Variants in TNFRSF10C observed in about 807,000 individuals in gnomAD.
TNFRSF10C encodes the protein tumor necrosis factor receptor superfamily member 10C.
TNFRSF10C carries 17 observed loss-of-function variants against 16.7 expected under a neutral mutation model. The ratio of observed to expected loss-of-function variants is 1.02; its 90% confidence interval spans 0.70 to 1.53. The LOEUF (loss-of-function observed/expected upper bound fraction) is 1.53. TNFRSF10C is among the 40% of genes most tolerant of loss of function. TNFRSF10C has a pLI of 0.00. For synonymous variants in TNFRSF10C, 73 were observed against 119.7 expected (o/e 0.61, Z 2.55); for missense variants, 237 against 329.7 (o/e 0.72, Z 2.18).
At chr8:23,103,847 T>C (rs1813718026) in intron 1 of TNFRSF10C, among the ~76,000 whole-genome samples, 1 of 152,220 alleles carries the variant, frequency 6.6e-6, no homozygotes, top group Non-Finnish European at 1.5e-5. Flanking sequence ...TGCAAGGACA[T>C]ATTATGTATA....
intron 2 of TNFRSF10C, among the ~76,000 whole-genome samples, chr8:23,112,360 C>A (rs1053876175): frequency 3.9e-5 from 6 of 152,200 alleles, no homozygotes; most frequent in Non-Finnish European, 7.3e-5. Flanking sequence ...GAAGGCAGGA[C>A]TGTACAACAC....
chr8:23,114,247 A>G (rs1813932472), intron 2 of TNFRSF10C, among the ~76,000 whole-genome samples: 1 of 152,224 alleles, frequency 6.6e-6, no homozygotes, highest in African/African-American at 2.4e-5. Context: ...GTGGACCAGC[A>G]TGGGCAGATC....
rs186423769 is a variant in TNFRSF10C at position 23,116,462 on chromosome 8, G to A, written c.390-179G>A. Among the ~76,000 whole-genome samples, 586 of 152,304 alleles carry A rather than the reference G, an allele frequency of 3.8e-3. 1 individual carries two copies. The highest frequency in any genetic ancestry group is 5.6e-3 in the Non-Finnish European group (383 of 68,012). On this transcript the variant is annotated intron_variant, in intron 4 of 4. Transcript: ENST00000356864. ...CAGGGAGGCTGAGGGGCTGAAATGC[G>A]CATGCTCAGACCCTTCCCCAGCCTC...
rs1813821321 is a variant in TNFRSF10C, at chr8:23,108,621, A to G, written c.61-3099A>G. Among the ~76,000 whole-genome samples, 4 of 152,232 alleles carry G rather than the reference A, an allele frequency of 2.6e-5. No individual in the cohort carries two copies. In the South Asian group the frequency reaches 8.3e-4, roughly 31 times the overall value. On this transcript the variant is annotated intron_variant, in intron 1 of 4. Transcript: ENST00000356864. ...TCTTCAAGGAGTATAATAACAACAA[A>G]TTGTATATGCCTAGTAATACATCTT...
At chr8:23,106,985 T>C (rs1002927883) in intron 1 of TNFRSF10C, among the ~76,000 whole-genome samples, 1 of 152,100 alleles carries the variant, frequency 6.6e-6, no homozygotes, top group Non-Finnish European at 1.5e-5. Flanking sequence ...ATCTCCTGCT[T>C]TTAGGAAACA....
chr8:23,111,872 A>C, intron 2 of TNFRSF10C, 47 bp downstream of exon 2: 1 of 1,538,152 alleles, frequency 6.5e-7, no homozygotes, highest in South Asian at 1.1e-5. Flanking sequence ...TTGACAGATA[A>C]ACATTGTATG....
Position 23,103,127 on chromosome 8 carries a change from C to A in TNFRSF10C, c.6C>A (p.Ala2=). 6.2e-7 allele frequency: 1 copy of A among 1,611,910 alleles called. No homozygotes were observed. The highest frequency in any genetic ancestry group is 8.5e-7 in the Non-Finnish European group (1 of 1,179,262). M[A]RIPKTLKFVV... ...ACGGCGTCGGGAACCATACCATGGC[C>A]CGGATCCCCAAGACCCTAAAGTTCG... Residue 2 remains alanine (A), a synonymous_variant, in exon 1 of 5, where the codon GCC becomes GCA. Coordinates refer to ENST00000356864, the MANE Select transcript of TNFRSF10C (RefSeq NM_003841.5).
At chr8:23,109,331 A>T (rs2128830520) in intron 1 of TNFRSF10C, among the ~76,000 whole-genome samples, 1 of 152,282 alleles carries the variant, frequency 6.6e-6, no homozygotes, top group East Asian at 1.9e-4. Context: ...AAGCTGTCAA[A>T]AAAAGAAAAA....
In TNFRSF10C at chr8:23,103,191, G is replaced by T. The variant is rs6557616; in HGVS notation, c.60+10G>T. On this transcript the variant is annotated intron_variant, in intron 1 of 4. Coordinates refer to ENST00000356864, the MANE Select transcript of TNFRSF10C (RefSeq NM_003841.5). ...CGCGGTCCTGCTGCCAGTGAGTCCC[G>T]GCCGCGGTCCCTGGCTGGGGAAGAG... The T allele has an allele frequency of 4.2e-5, 67 of 1,606,980 alleles. No individual in the cohort carries two copies. Among genetic ancestry groups the T allele is most frequent in the Non-Finnish European group, 5.3e-5 (62 of 1,177,020 alleles).
Position 23,117,125 on chromosome 8 carries a change from C to T in TNFRSF10C, c.*94C>T, listed in dbSNP as rs1487958183. On this transcript the variant is annotated 3_prime_UTR_variant, in exon 5 of 5. Transcript: ENST00000356864. Reference sequence around the variant, plus strand: ...GGGCGCTGGACACTCTCTGCCCTGCCTCCCTCTGCTGTGTTCCCACAGACA... The same window carrying T: ...GGGCGCTGGACACTCTCTGCCCTGCTTCCCTCTGCTGTGTTCCCACAGACA... The T allele has an allele frequency of 3.3e-6, 5 of 1,530,560 alleles. No individual in the cohort carries two copies. The highest frequency in any genetic ancestry group is 4.4e-6 in the Non-Finnish European group (5 of 1,138,136). 94.8% of individuals were successfully genotyped at this position (1,530,560 alleles called of 1,614,324 possible).
Position 23,117,006 on chromosome 8 carries a change from T to A in TNFRSF10C, c.755T>A (p.Ile252Asn), listed in dbSNP as rs549625116. 28 of 1,613,710 alleles carry A rather than the reference T, an allele frequency of 1.7e-5. 1 individual carries two copies. The South Asian group carries it at 2.6e-4, about 15-fold the overall frequency. The part of the protein sequence containing the change: ...SCTIVGIIVL[I>N]VLLIVFV The stretch of plus-strand genomic sequence containing the variant: ...ACCATCGTAGGGATCATAGTTCTAA[T>A]TGTGCTTCTGATTGTGTTTGTTTGA... Residue 252 changes from isoleucine to asparagine, a missense_variant, in exon 5 of 5, where the codon ATT (isoleucine) becomes AAT (asparagine). Physicochemically the swap from Ile to Asn is moderately radical, Grantham distance 149. Transcript: ENST00000356864.
chr8:23,115,441 G>A, intron 3 of TNFRSF10C, 67 bp from the exon 4 acceptor site: 1 of 1,368,140 alleles, frequency 7.3e-7, no homozygotes. Context: ...GGAGGGGGTG[G>A]GTGGTAAGGA....
chr8:23,111,941 C>T, intron 2 of TNFRSF10C, 116 bp downstream of exon 2: 1 of 1,033,508 alleles, frequency 9.7e-7, no homozygotes, highest in Non-Finnish European at 1.4e-6. Context: ...ATGGCTAAAT[C>T]AAGCTAATTC....
chr8:23,109,591 T>C (rs545014503), intron 1 of TNFRSF10C, among the ~76,000 whole-genome samples: 2 of 151,266 alleles, frequency 1.3e-5, no homozygotes, highest in Non-Finnish European at 2.9e-5. Flanking sequence ...GAGCCGAGAT[T>C]GTGCCACTGC....
chr8:23,106,043 T>C (rs887107630), intron 1 of TNFRSF10C, among the ~76,000 whole-genome samples: 10 of 152,130 alleles, frequency 6.6e-5, no homozygotes, highest in Admixed American at 2.0e-4. Flanking sequence ...AGGCCACAAC[T>C]GCGCGCACTT....
chr8:23,106,359 G>A (rs1813775498), intron 1 of TNFRSF10C, among the ~76,000 whole-genome samples: 1 of 152,012 alleles, frequency 6.6e-6, no homozygotes, highest in African/African-American at 2.4e-5. Context: ...GGAAGATGTG[G>A]TTTGATTACA....
chr8:23,108,078 G>GT (rs1354099596), intron 1 of TNFRSF10C, among the ~76,000 whole-genome samples: 1 of 152,138 alleles, frequency 6.6e-6, no homozygotes, highest in Non-Finnish European at 1.5e-5. Context: ...GAAAGAACTG[G>GT]TTTGAGGGGC....
intron 1 of TNFRSF10C, among the ~76,000 whole-genome samples, chr8:23,106,428 A>ATT (rs61058025): frequency 0.084 from 10,941 of 129,936 alleles, 702 homozygotes; most frequent in East Asian, 0.31. Flanking sequence ...CCCCCACCCG[A>ATT]TTTTTTTTTT....
chr8:23,115,668 T>G, intron 4 of TNFRSF10C, 52 bp downstream of exon 4: 1 of 1,439,480 alleles, frequency 6.9e-7, no homozygotes, highest in East Asian at 2.3e-5. Flanking sequence ...CGAGAAGACC[T>G]GAGTCACCTG....
Sources: allele counts gnomAD v4.1 joint callset (sites outside exome capture counted in the v4.1 genomes callset), GRCh38; gene constraint gnomAD v4.1.1; transcripts MANE v1.5; gene names NCBI Gene and HGNC (gene_info 2026-07-23, HGNC 2026-07-21).